Variants in CHMP2B observed in about 807,000 individuals in gnomAD.
CHMP2B encodes the protein VPS2 homolog B.
In CHMP2B, 22 loss-of-function variants were observed where a neutral mutation model predicts 29.8. The observed-to-expected ratio is 0.74, with a 90% CI of 0.53 to 1.05. The LOEUF (loss-of-function observed/expected upper bound fraction) is 1.05, where lower values mean the gene tolerates loss of function less well. CHMP2B is among the 50% of genes least tolerant of loss of function. The pLI, the probability that CHMP2B is intolerant of heterozygous loss-of-function variation, is 0.00. For synonymous variants in CHMP2B, 78 were observed against 75.8 expected (o/e 1.03, Z -0.15); for missense variants, 261 against 252.2 (o/e 1.03, Z -0.24).
Position 87,240,781 on chromosome 3 carries a change from A to G in CHMP2B, c.117A>G (p.Glu39=). ...IRDRAALEKQ[E]KQLELEIKKM... is the part of the protein sequence containing the mutation. ...ATCGAGCAGCTTTAGAGAAACAAGA[A>G]AAACAGCTGGTAAGTAGAACGTTAA... Residue 39 remains glutamate, a synonymous_variant, in exon 2 of 6, where the codon GAA becomes GAG. Coordinates refer to ENST00000263780, the MANE Select transcript of CHMP2B (RefSeq NM_014043.4). 6.2e-7 allele frequency: 1 copy of G among 1,611,906 alleles called. No homozygotes were observed. Among genetic ancestry groups the G allele is most frequent in the Non-Finnish European group, 8.5e-7 (1 of 1,178,062 alleles).
At chr3:87,240,457 T>C (rs1278286242) in intron 1 of CHMP2B, 1 of 382,172 alleles carries the variant, frequency 2.6e-6, no homozygotes, top group East Asian at 6.1e-5. Context: ...ATTACAGGCA[T>C]GTGCCACCAC....
intron 1 of CHMP2B, among the ~76,000 whole-genome samples, chr3:87,232,693 T>A (rs1705930667): frequency 6.6e-6 from 1 of 152,180 alleles, no homozygotes; most frequent in Admixed American, 6.5e-5. Context: ...CCATTTCCTA[T>A]CTTCAGGTCC....
intron 1 of CHMP2B, among the ~76,000 whole-genome samples, chr3:87,232,910 G>A (rs1008600481): frequency 1.3e-5 from 2 of 152,110 alleles, no homozygotes; most frequent in African/African-American, 4.8e-5. Context: ...AAAACCAGTG[G>A]CATTTTTATG....
rs72924012 is a variant in CHMP2B, at chr3:87,235,461, C to T, written c.35-5238C>T. On this transcript the variant is annotated intron_variant, in intron 1 of 5. Coordinates refer to ENST00000263780, the MANE Select transcript of CHMP2B (RefSeq NM_014043.4). ...TTATGTTTTAGTATGTAACATTAGC[C>T]GCTCTGAGTTTATAGCTTAGAACTG... Among the ~76,000 whole-genome samples, 400 of 152,060 alleles carry T rather than the reference C, an allele frequency of 2.6e-3. 2 individuals carry two copies. Among genetic ancestry groups the T allele is most frequent in the African/African-American group, 9.1e-3 (377 of 41,478 alleles).
In CHMP2B at chr3:87,245,735, G is replaced by A. The variant is rs1429270184; in HGVS notation, c.148G>A (p.Ala50Thr). 1 of 1,613,364 alleles carries A rather than the reference G, an allele frequency of 6.2e-7. No individual in the cohort carries two copies. The highest frequency in any genetic ancestry group is 8.5e-7 in the Non-Finnish European group (1 of 1,179,694). ...TTAGGAATTAGAAATTAAGAAAATG[G>A]CCAAGATTGGTAATAAGGAAGCTTG... ...KQLELEIKKM[A>T]KIGNKEACKV... Residue 50 changes from alanine (A) to threonine (T), a missense_variant, in exon 3 of 6, where the codon GCC becomes ACC. By Grantham distance (58) the Ala-to-Thr change is moderately conservative (BLOSUM62 0). Coordinates refer to ENST00000263780, the MANE Select transcript of CHMP2B (RefSeq NM_014043.4).
intron 4 of CHMP2B, among the ~76,000 whole-genome samples, chr3:87,250,920 C>T (rs1706304267): frequency 6.6e-6 from 1 of 151,790 alleles, no homozygotes. Context: ...GCACCCTCGT[C>T]AACATTAGAT....
intron 3 of CHMP2B, among the ~76,000 whole-genome samples, chr3:87,247,924 T>C (rs1706243709): frequency 6.6e-6 from 1 of 152,084 alleles, no homozygotes; most frequent in African/African-American, 2.4e-5. Context: ...AATACATTTG[T>C]GCAAATAAAG....
At position 87,255,303 on chromosome 3, in the gene CHMP2B, G is replaced by A. The variant is rs987189107; in HGVS notation, c.*1481G>A. 1.3e-5 allele frequency: 2 copies of A among 152,528 alleles called. No homozygotes were observed. Among genetic ancestry groups the A allele is most frequent in the Middle Eastern group, 3.4e-3 (1 of 294 alleles). 9.4% of individuals were successfully genotyped at this position (152,528 alleles called of 1,614,324 possible). ...TGTTATTGATAGTATTAAATACACA[G>A]TTTCTCTTAACAGTGATGGGTGAAA... On this transcript the variant is annotated 3_prime_UTR_variant, in exon 6 of 6. Coordinates refer to ENST00000263780, the MANE Select transcript of CHMP2B (RefSeq NM_014043.4).
chr3:87,245,765 G>A lies in CHMP2B; in HGVS notation c.178G>A (p.Val60Ile). ...GATTGGTAATAAGGAAGCTTGCAAA[G>A]TTTTAGCCAAACAACTTGTGCATCT... ...AKIGNKEACK[V>I]LAKQLVHLRK... is the part of the protein sequence containing the mutation. Residue 60 changes from valine to isoleucine, a missense_variant, in exon 3 of 6, where the codon GTT becomes ATT. Coordinates refer to ENST00000263780, the MANE Select transcript of CHMP2B (RefSeq NM_014043.4). 6.2e-7 allele frequency: 1 copy of A among 1,613,830 alleles called. No homozygotes were observed. The highest frequency in any genetic ancestry group is 1.3e-5 in the African/African-American group (1 of 75,004).
intron 2 of CHMP2B, among the ~76,000 whole-genome samples, chr3:87,242,070 A>T (rs567964718): frequency 9.2e-4 from 140 of 152,140 alleles, no homozygotes; most frequent in African/African-American, 3.1e-3. Flanking sequence ...CTTTTTATAT[A>T]CCTGTTTACC....
chr3:87,237,793 C>A (rs1281416354), intron 1 of CHMP2B, among the ~76,000 whole-genome samples: 1 of 151,968 alleles, frequency 6.6e-6, no homozygotes, highest in Non-Finnish European at 1.5e-5. Flanking sequence ...ATCTGTGGAT[C>A]ATCCATGCCC....
chr3:87,253,237 T>A, intron 4 of CHMP2B, 167 bp from the exon 5 acceptor site: 1 of 603,398 alleles, frequency 1.7e-6, no homozygotes, highest in Non-Finnish European at 3.0e-6. Context: ...GGCTCAAATA[T>A]GTATTTATCA....
chr3:87,227,564 C>T lies in CHMP2B; in HGVS notation c.34+8C>T, dbSNP rs35413339. 4.8e-3 allele frequency: 7,706 copies of T among 1,614,138 alleles called. 28 individuals are homozygous for T. The highest frequency in any genetic ancestry group is 6.1e-3 in the Non-Finnish European group (7,203 of 1,180,004). ...AGAAGAAAACCGTGGATGGTGAGTT[C>T]CAGGCCGGGCTGAAGGGGCCCAGCT... On this transcript the variant is annotated splice_region_variant and intron_variant, in intron 1 of 5. Transcript: ENST00000263780.
At chr3:87,229,966 AAT>A in intron 1 of CHMP2B, among the ~76,000 whole-genome samples, 1 of 152,314 alleles carries the variant, frequency 6.6e-6, no homozygotes, top group Non-Finnish European at 1.5e-5. Context: ...TGTAGAAATT[AAT>A]GAGAGGTATA....
In CHMP2B at chr3:87,245,861, A is replaced by C; in HGVS notation, c.274A>C (p.Met92Leu). The C allele has an allele frequency of 6.2e-7, 1 of 1,613,528 alleles. No homozygotes were observed. ...VTSMSTQTKV[M>L]NSQMKMAGAM... Reference sequence around the variant, plus strand: ...TTCTATGTCTACACAAACAAAAGTGATGAATTCCCAAATGAAGATGGCTGG... The same window carrying C: ...TTCTATGTCTACACAAACAAAAGTGCTGAATTCCCAAATGAAGATGGCTGG... The change falls in exon 3 of 6, where the codon ATG becomes CTG. Residue 92 changes from methionine to leucine, a missense_variant. Coordinates refer to ENST00000263780, the MANE Select transcript of CHMP2B (RefSeq NM_014043.4).
intron 5 of CHMP2B, 86 bp downstream of exon 5, chr3:87,253,596 AT>A: frequency 7.5e-7 from 1 of 1,328,390 alleles, no homozygotes; most frequent in Non-Finnish European, 1.1e-6. Context: ...TAGGAGGTGC[AT>A]GGTTTTTATT....
chr3:87,229,864 G>A (rs1006593070), intron 1 of CHMP2B, among the ~76,000 whole-genome samples: 1 of 152,030 alleles, frequency 6.6e-6, no homozygotes, highest in African/African-American at 2.4e-5. Context: ...AATTTAAAAG[G>A]AAGACAACAT....
Position 87,253,914 on chromosome 3 carries a change from C to CAA in CHMP2B, c.*105_*106dup, listed in dbSNP as rs368297778. 8.7e-4 allele frequency: 520 copies of CAA among 600,548 alleles called. No individual in the cohort carries two copies. The highest frequency in any genetic ancestry group is 1.1e-3 in the Non-Finnish European group (384 of 360,874). 37.2% of individuals were successfully genotyped at this position (600,548 alleles called of 1,614,324 possible). A position where few individuals can be genotyped will look rare whatever the true frequency, so the allele number is the denominator to read the frequency against. On this transcript the variant is annotated 3_prime_UTR_variant, in exon 6 of 6. Coordinates refer to ENST00000263780, the MANE Select transcript of CHMP2B (RefSeq NM_014043.4). ...TCTTTTACAAAACACATGTATTTTG[C>CAA]AAAAAAAAAAAAAATGAAGACCATG... is the stretch of plus-strand genomic sequence containing the variant.
chr3:87,236,813 G>T (rs1223431261), intron 1 of CHMP2B, among the ~76,000 whole-genome samples: 1 of 151,944 alleles, frequency 6.6e-6, no homozygotes, highest in South Asian at 2.1e-4. Flanking sequence ...TCATGCTGTT[G>T]TACTCCAGTC....
Sources: gnomAD v4.1 joint callset for allele counts (sites outside exome capture counted in the v4.1 genomes callset) on GRCh38, gnomAD v4.1.1 for gene constraint, MANE v1.5 for transcripts, NCBI Gene and HGNC (gene_info 2026-07-23, HGNC 2026-07-21) for gene names.